Variants in OARD1 observed in about 807,000 individuals in gnomAD.
The protein encoded by OARD1 is O-acyl-ADP-ribose deacylase 1.
OARD1 carries 19 observed loss-of-function variants against 19.7 expected under a neutral mutation model. The ratio of observed to expected loss-of-function variants is 0.96; its 90% CI spans 0.67 to 1.41. OARD1 has a LOEUF of 1.41. Among genes scored for constraint, OARD1 ranks in the 40% most tolerant of loss-of-function variants. The pLI is 0.00. For synonymous variants in OARD1, 70 were observed against 61.8 expected (o/e 1.13, Z -0.62); for missense variants, 190 against 183.8 (o/e 1.03, Z -0.20).
At chr6:41,084,012 G>A in intron 1 of OARD1, 4 of 1,560,690 alleles carry the variant, frequency 2.6e-6, no homozygotes, top group Non-Finnish European at 2.6e-6. Flanking sequence ...TGTGTCTTAT[G>A]TTATTTCATT....
Position 41,084,779 on chromosome 6 carries a change from A to G in OARD1, c.-42+12934T>C, listed in dbSNP as rs749913829. Among the ~76,000 whole-genome samples, 7 of 152,352 alleles carry G rather than the reference A, an allele frequency of 4.6e-5. No homozygotes were observed. The East Asian group carries it at 7.7e-4, about 17-fold the overall frequency. On this transcript the variant is annotated intron_variant, in intron 1 of 4. Transcript: ENST00000480585. ...GGAGTTCAAGACCAGCCTGGCCAAC[A>G]TGACAAAACCCCATCTCTACTAAAA...
In OARD1 at chr6:41,065,432, A is replaced by G. The variant is rs1762970064; in HGVS notation, c.*1903T>C. 1 of 152,238 alleles carries G rather than the reference A, an allele frequency of 6.6e-6. No individual in the cohort carries two copies. Among genetic ancestry groups the G allele is most frequent in the Non-Finnish European group, 1.5e-5 (1 of 68,042 alleles). 9.4% of individuals were successfully genotyped at this position (152,238 alleles called of 1,614,324 possible). ...ACCCAGACATAGACCTAAGTTGAGG[A>G]GCATCTGTAATTGCAGAGTTAAGCA... On this transcript the variant is annotated 3_prime_UTR_variant, in exon 6 of 6. Transcript: ENST00000424266.
In OARD1 at chr6:41,068,828, T is replaced by TG. The variant is rs754040921; in HGVS notation, c.356+12dup. ...TCAATTAAATCTCCATTTAGGACCA[T>TG]GGATTTCCTTGCCTGGGCATGGAGA... On this transcript the variant is annotated intron_variant, in intron 5 of 5. Transcript: ENST00000424266. The TG allele has an allele frequency of 5.8e-6, 8 of 1,385,354 alleles. No individual in the cohort carries two copies. The South Asian group carries it at 9.9e-5, about 17-fold the overall frequency. The allele number at this position is 1,385,354 out of a possible 1,614,324, so 85.8% of individuals were successfully genotyped here.
intron 1 of OARD1, among the ~76,000 whole-genome samples, chr6:41,096,496 A>G (rs1321721965): frequency 6.6e-6 from 1 of 152,172 alleles, no homozygotes; most frequent in Non-Finnish European, 1.5e-5. Flanking sequence ...TGTTGTAGGG[A>G]TTTCATTCAG....
intron 1 of OARD1, among the ~76,000 whole-genome samples, chr6:41,083,665 CCT>C (rs1763967938): frequency 6.6e-6 from 1 of 152,182 alleles, no homozygotes; most frequent in Non-Finnish European, 1.5e-5. Context: ...ATCACCTTTC[CCT>C]CTCATTGCCT....
chr6:41,076,594 GC>G (rs1458050492), upstream of OARD1, among the ~76,000 whole-genome samples: 1 of 152,172 alleles, frequency 6.6e-6, no homozygotes, highest in African/African-American at 2.4e-5. Flanking sequence ...GAATAGTGGG[GC>G]AAAGAGAATT....
intron 4 of OARD1, chr6:41,069,874 A>C (rs1437397108): frequency 2.0e-5 from 13 of 637,424 alleles, no homozygotes; most frequent in Middle Eastern, 3.9e-4. Context: ...ATGCAGCCTC[A>C]CATTTCTTTC....
At chr6:41,067,596 G>T (rs753143818) in intron 5 of OARD1, among the ~76,000 whole-genome samples, 159 bp from the exon 6 acceptor site, 2 of 152,166 alleles carry the variant, frequency 1.3e-5, no homozygotes, top group Non-Finnish European at 1.5e-5. Context: ...TTCTTGTTGT[G>T]AGTCACCGAA....
chr6:41,069,785 T>C (rs1278928532), intron 4 of OARD1: 3 of 416,334 alleles, frequency 7.2e-6, no homozygotes, highest in Admixed American at 4.4e-5. Context: ...GGAAATATAG[T>C]ATGGCAGGCA....
intron 5 of OARD1, among the ~76,000 whole-genome samples, chr6:41,068,594 G>A (rs772125176): frequency 3.9e-5 from 6 of 152,256 alleles, no homozygotes; most frequent in Non-Finnish European, 8.8e-5. Flanking sequence ...GTCGCTCTCT[G>A]CTAAGCAGGC....
chr6:41,079,294 C>T (rs908521809), intron 1 of OARD1: 2 of 823,200 alleles, frequency 2.4e-6, no homozygotes, highest in East Asian at 5.1e-5. Flanking sequence ...GGTCTGATGG[C>T]TTGTGCTGAA....
At chr6:41,089,810 G>T in intron 1 of OARD1, 1 of 1,468,316 alleles carries the variant, frequency 6.8e-7, no homozygotes, top group South Asian at 1.4e-5. Flanking sequence ...TAGAAAAGGG[G>T]ATGAAAACCA....
At chr6:41,092,932 T>C (rs1764233777) in intron 1 of OARD1, 1 of 1,613,580 alleles carries the variant, frequency 6.2e-7, no homozygotes, top group South Asian at 1.1e-5. Context: ...GGGCTGGCTC[T>C]GTGCCTGCTA....
chr6:41,094,586 C>G, intron 1 of OARD1: 4 of 934,492 alleles, frequency 4.3e-6, no homozygotes, highest in Non-Finnish European at 5.1e-6. Context: ...TGCTATTTTC[C>G]TACTCTGGGA....
intron 4 of OARD1, 47 bp downstream of exon 4, chr6:41,070,029 G>A (rs199638837): frequency 9.5e-7 from 1 of 1,048,606 alleles, no homozygotes; most frequent in Non-Finnish European, 1.5e-6. Flanking sequence ...TCCTTAAAAT[G>A]TATTAAGAAC....
chr6:41,077,034 C>T (rs1763750852), upstream of OARD1, among the ~76,000 whole-genome samples: 1 of 152,066 alleles, frequency 6.6e-6, no homozygotes. Context: ...CCAGAATAAA[C>T]TAGTTAAGAA....
At chr6:41,075,395 T>C (rs1763706138), upstream of OARD1, 1 of 152,254 alleles carries the variant, frequency 6.6e-6, no homozygotes. Flanking sequence ...AGGTATGTTC[T>C]GGTCACTTCA....
At chr6:41,095,448 T>C (rs1243466709) in intron 1 of OARD1, among the ~76,000 whole-genome samples, 1 of 152,232 alleles carries the variant, frequency 6.6e-6, no homozygotes, top group Non-Finnish European at 1.5e-5. Context: ...CTCTTCTCTC[T>C]CAGTATGTTC....
intron 1 of OARD1, among the ~76,000 whole-genome samples, chr6:41,089,247 G>C (rs1561854390): frequency 6.6e-6 from 1 of 152,206 alleles, no homozygotes; most frequent in Non-Finnish European, 1.5e-5. Context: ...GCCTTCCAAA[G>C]TGCAAGGATT....
Sources: gnomAD v4.1 joint callset for allele counts (sites outside exome capture counted in the v4.1 genomes callset) on GRCh38, gnomAD v4.1.1 for gene constraint, MANE v1.5 for transcripts, NCBI Gene and HGNC (gene_info 2026-07-23, HGNC 2026-07-21) for gene names.